The following PTPRT variants were observed in gnomAD, a reference collection of about 807,000 sequenced individuals.
PTPRT encodes the protein receptor-type tyrosine-protein phosphatase T.
A neutral mutation model predicts 176.8 loss-of-function variants in PTPRT; 56 were observed. That is an observed-to-expected ratio of 0.32 (90% CI 0.26 to 0.40). The LOEUF (loss-of-function observed/expected upper bound fraction) is 0.40. Ranked by LOEUF, PTPRT falls within the 10% of genes least tolerant of loss-of-function variation. The pLI, the probability that PTPRT is intolerant of heterozygous loss-of-function variation, is 1.00. For missense variants in PTPRT, 1,540 were observed against 1,908.2 expected (o/e 0.81, Z 3.60); for synonymous variants, 783 against 739.0 (o/e 1.06, Z -0.96).
chr20:42,764,488 G>T (rs1182959037), intron 5 of PTPRT, among the ~76,000 whole-genome samples: 1 of 152,166 alleles, frequency 6.6e-6, no homozygotes, highest in Admixed American at 6.5e-5. Flanking sequence ...GCTAAATAAA[G>T]AAATCTGTTT....
At chr20:42,796,135 T>A (rs2077450546) in intron 2 of PTPRT, among the ~76,000 whole-genome samples, 1 of 152,170 alleles carries the variant, frequency 6.6e-6, no homozygotes, top group Admixed American at 6.5e-5. Flanking sequence ...TCAAACCAAT[T>A]ATTCCTTCTT....
the PTPRT span, among the ~76,000 whole-genome samples, chr20:42,042,193 G>A: frequency 1.3e-5 from 2 of 152,294 alleles, no homozygotes; most frequent in South Asian, 2.1e-4. Flanking sequence ...GTGGAGCAGG[G>A]AGAATGGCTC....
intron 1 of PTPRT, among the ~76,000 whole-genome samples, chr20:42,999,615 T>TGTTGTTG (rs35015314): frequency 0.045 from 6,722 of 150,452 alleles, 264 homozygotes; most frequent in African/African-American, 0.092. Flanking sequence ...TGGTTTTTTT[T>TGTTGTTG]TTGTTGTTGT....
intron 8 of PTPRT, among the ~76,000 whole-genome samples, chr20:42,462,547 G>C (rs1475649295): frequency 6.6e-6 from 1 of 152,178 alleles, no homozygotes; most frequent in Non-Finnish European, 1.5e-5. Flanking sequence ...AATGAACAAG[G>C]TAGCAAGTCC....
intron 1 of PTPRT, among the ~76,000 whole-genome samples, chr20:42,934,374 G>C (rs910032965): frequency 9.2e-5 from 14 of 152,232 alleles, no homozygotes; most frequent in East Asian, 3.8e-4. Flanking sequence ...GTTAGCTACT[G>C]CTGCATAACA....
chr20:42,635,823 A>C (rs1247521800), intron 7 of PTPRT, among the ~76,000 whole-genome samples: 1 of 152,152 alleles, frequency 6.6e-6, no homozygotes, highest in African/African-American at 2.4e-5. Flanking sequence ...TGGAGTTCAA[A>C]ACACCTGCTG....
At chr20:42,953,585 G>A (rs369260232) in intron 1 of PTPRT, among the ~76,000 whole-genome samples, 68 of 152,256 alleles carry the variant, frequency 4.5e-4, no homozygotes, top group African/African-American at 1.5e-3. Context: ...AGTTAACCCT[G>A]TAGAATAGAG....
intron 11 of PTPRT, among the ~76,000 whole-genome samples, chr20:42,336,375 C>T (rs1600852608): frequency 6.6e-6 from 1 of 151,962 alleles, no homozygotes; most frequent in East Asian, 1.9e-4. Flanking sequence ...TTGCCAATTC[C>T]CAGAAGAAAG....
Position 42,671,729 on chromosome 20 carries a change from G to T in PTPRT, c.1153+6137C>A, listed in dbSNP as rs76201600. ...CATTTTGAGTTTGATATACATGATC[G>T]CATTTGCTCTCATACCTATATCTCA... On this transcript the variant is annotated intron_variant, in intron 7 of 30. Coordinates refer to ENST00000373187, the MANE Select transcript of PTPRT (RefSeq NM_007050.6). Among the ~76,000 whole-genome samples the T allele has an allele frequency of 9.8e-3, 1,485 of 152,236 alleles. 8 individuals are homozygous for T. Among genetic ancestry groups the T allele is most frequent in the Non-Finnish European group, 0.016 (1,110 of 68,024 alleles).
At chr20:42,818,467 C>T (rs898687481) in intron 2 of PTPRT, among the ~76,000 whole-genome samples, 1 of 152,112 alleles carries the variant, frequency 6.6e-6, no homozygotes, top group African/African-American at 2.4e-5. Flanking sequence ...ACACAAAAGG[C>T]CAGAGTGCCT....
At chr20:42,259,291 GA>G (rs2056704194) in intron 13 of PTPRT, among the ~76,000 whole-genome samples, 1 of 152,180 alleles carries the variant, frequency 6.6e-6, no homozygotes, top group South Asian at 2.1e-4. Context: ...CTGGATGTAA[GA>G]AAACTCCTTT....
At chr20:42,739,380 G>A (rs1309088906) in intron 6 of PTPRT, among the ~76,000 whole-genome samples, 1 of 152,178 alleles carries the variant, frequency 6.6e-6, no homozygotes. Flanking sequence ...AGGAGGAAGA[G>A]GTAGGAGGAA....
intron 6 of PTPRT, among the ~76,000 whole-genome samples, chr20:42,743,697 C>A (rs1434449595): frequency 6.6e-6 from 1 of 152,116 alleles, no homozygotes; most frequent in Non-Finnish European, 1.5e-5. Context: ...CTCCCTGGAT[C>A]AAAATGAGCA....
At chr20:42,592,713 T>C (rs1167323748) in intron 7 of PTPRT, among the ~76,000 whole-genome samples, 1 of 152,164 alleles carries the variant, frequency 6.6e-6, no homozygotes, top group Non-Finnish European at 1.5e-5. Flanking sequence ...GTGTAGACCT[T>C]ACAAAGCTCA....
At chr20:42,115,106 G>C (rs79323367) in intron 22 of PTPRT, 93 bp downstream of exon 22, 335 of 905,950 alleles carry the variant, frequency 3.7e-4, no homozygotes, top group Non-Finnish European at 4.9e-4. Flanking sequence ...GGGGCTGGAC[G>C]TAGAGCAGAC....
chr20:42,247,956 C>T (rs1211230959), intron 14 of PTPRT, among the ~76,000 whole-genome samples: 1 of 152,186 alleles, frequency 6.6e-6, no homozygotes, highest in East Asian at 1.9e-4. Context: ...TTGTGAATGC[C>T]TCTTAAACAG....
At chr20:42,727,308 G>A (rs1343748100) in intron 6 of PTPRT, among the ~76,000 whole-genome samples, 3 of 152,186 alleles carry the variant, frequency 2.0e-5, no homozygotes, top group African/African-American at 7.2e-5. Context: ...TTTCGGTGAA[G>A]CTTCTTCAGT....
chr20:42,329,333 C>A (rs1406127830), intron 11 of PTPRT, among the ~76,000 whole-genome samples: 1 of 151,822 alleles, frequency 6.6e-6, no homozygotes, highest in Non-Finnish European at 1.5e-5. Flanking sequence ...GTAAAAATAG[C>A]CAAGAACATT....
At chr20:42,161,171 G>T (rs1171984993) in intron 17 of PTPRT, among the ~76,000 whole-genome samples, 181 bp downstream of exon 17, 1 of 152,150 alleles carries the variant, frequency 6.6e-6, no homozygotes, top group Non-Finnish European at 1.5e-5. Context: ...CCTAGTTTCT[G>T]GTTAAAATGC....
Sources: allele counts gnomAD v4.1 joint callset (sites outside exome capture counted in the v4.1 genomes callset), GRCh38; gene constraint gnomAD v4.1.1; transcripts MANE v1.5; gene names NCBI Gene and HGNC (gene_info 2026-07-23, HGNC 2026-07-21).